IGFL2: variants seen among roughly 807,000 people sequenced by gnomAD.
IGFL2 encodes the protein IGF like family member 2, also known as insulin growth factor-like family member 2.
In IGFL2, 7 loss-of-function variants were observed where a neutral mutation model predicts 13.9. The ratio of observed to expected loss-of-function variants is 0.51; its 90% CI spans 0.29 to 0.95. The LOEUF is 0.95. IGFL2 is among the 40% of genes least tolerant of loss of function. The probability of loss-of-function intolerance (pLI) is 0.08; values close to 1 mark genes in which losing one functional copy is unlikely to be tolerated. For missense variants in IGFL2, 138 were observed against 147.8 expected (o/e 0.93, Z 0.34); for synonymous variants, 55 against 55.8 (o/e 0.99, Z 0.07).
At chr19:46,109,018 G>A in the IGFL2 span, among the ~76,000 whole-genome samples, 1 of 152,226 alleles carries the variant, frequency 6.6e-6, no homozygotes, top group Non-Finnish European at 1.5e-5. Flanking sequence ...TCCTCATGGA[G>A]TGAGGGTGAG....
chr19:46,083,950 G>A, the IGFL2 span, among the ~76,000 whole-genome samples: 6 of 152,178 alleles, frequency 3.9e-5, no homozygotes, highest in South Asian at 1.2e-3. Context: ...TTCCCTCTTA[G>A]ACCTGCTTTT....
At chr19:46,160,911 G>A (rs2270403) in intron 3 of IGFL2, 30 bp downstream of exon 3, 436,989 of 1,608,692 alleles carry the variant, frequency 0.27, 61,296 homozygotes, top group South Asian at 0.31. Context: ...CCAGGGGGTC[G>A]GGGGAAGGGA....
chr19:46,160,972 G>C (rs750882975), intron 3 of IGFL2, 91 bp downstream of exon 3: 13 of 1,540,692 alleles, frequency 8.4e-6, no homozygotes, highest in Middle Eastern at 3.4e-4. Context: ...CTTTTGAAGA[G>C]CCCTGGCCCT....
At chr19:46,189,906 T>TC in the IGFL2 span, 4 of 152,200 alleles carry the variant, frequency 2.6e-5, no homozygotes, top group Non-Finnish European at 5.9e-5. Flanking sequence ...GTCTCTTGCC[T>TC]CGGCACCTGG....
chr19:46,173,083 A>C, the IGFL2 span, among the ~76,000 whole-genome samples: 1 of 152,240 alleles, frequency 6.6e-6, no homozygotes, highest in South Asian at 2.1e-4. Flanking sequence ...TTTGGGTTGT[A>C]AAATGAATAG....
the IGFL2 span, among the ~76,000 whole-genome samples, chr19:46,132,445 G>T: frequency 6.6e-6 from 1 of 152,182 alleles, no homozygotes; most frequent in Non-Finnish European, 1.5e-5. Context: ...GGTTCCACGT[G>T]CTGTCAGTTC....
chr19:46,113,499 G>A, the IGFL2 span: 3 of 352,644 alleles, frequency 8.5e-6, no homozygotes, highest in Non-Finnish European at 1.7e-5. Flanking sequence ...CATAAAGGGA[G>A]AAATCCAAGA....
chr19:46,156,459 A>T (rs539668576), intron 1 of IGFL2, among the ~76,000 whole-genome samples: 1 of 152,200 alleles, frequency 6.6e-6, no homozygotes, highest in Non-Finnish European at 1.5e-5. Flanking sequence ...TAACAGAGTA[A>T]GTTGTCTGAC....
the IGFL2 span, among the ~76,000 whole-genome samples, chr19:46,078,770 T>C: frequency 6.6e-6 from 1 of 152,284 alleles, no homozygotes; most frequent in Non-Finnish European, 1.5e-5. Flanking sequence ...AGTAGGAGAC[T>C]GCTCAGAAAA....
chr19:46,092,468 C>A, the IGFL2 span, among the ~76,000 whole-genome samples: 1 of 151,690 alleles, frequency 6.6e-6, no homozygotes, highest in South Asian at 2.1e-4. Context: ...CTGCCTGTAC[C>A]AAAAAATACA....
the IGFL2 span, among the ~76,000 whole-genome samples, chr19:46,080,546 T>A: frequency 1.3e-5 from 2 of 152,366 alleles, no homozygotes; most frequent in East Asian, 3.9e-4. Context: ...ATTTTGGTCC[T>A]TCTGACCAAG....
chr19:46,128,981 T>A, the IGFL2 span, among the ~76,000 whole-genome samples: 1 of 152,206 alleles, frequency 6.6e-6, no homozygotes, highest in African/African-American at 2.4e-5. Flanking sequence ...TCTTGGAAAT[T>A]TTTTGGTTGG....
chr19:46,146,017 A>T (rs1277067402), upstream of IGFL2, among the ~76,000 whole-genome samples: 3 of 152,166 alleles, frequency 2.0e-5, no homozygotes, highest in East Asian at 5.8e-4. Context: ...TAAAAAATGG[A>T]TAATGCTTTT....
At chr19:46,089,936 A>G in the IGFL2 span, among the ~76,000 whole-genome samples, 1 of 152,254 alleles carries the variant, frequency 6.6e-6, no homozygotes, top group Admixed American at 6.5e-5. Context: ...TTGTTTAAAT[A>G]AGCTTTCTAC....
At chr19:46,083,220 A>G in the IGFL2 span, among the ~76,000 whole-genome samples, 1 of 152,254 alleles carries the variant, frequency 6.6e-6, no homozygotes, top group Non-Finnish European at 1.5e-5. Flanking sequence ...GCACAAAGAC[A>G]TACGTATAAG....
chr19:46,124,663 C>T, the IGFL2 span: 10 of 1,607,242 alleles, frequency 6.2e-6, no homozygotes, highest in East Asian at 2.3e-5. Flanking sequence ...TCCAAAGATG[C>T]TCTAGGAGAA....
At chr19:46,179,838 C>T in the IGFL2 span, among the ~76,000 whole-genome samples, 4 of 152,072 alleles carry the variant, frequency 2.6e-5, no homozygotes, top group African/African-American at 9.7e-5. Flanking sequence ...ATTGCTTGAT[C>T]CCGGGAGGTG....
At chr19:46,190,628 G>T in the IGFL2 span, among the ~76,000 whole-genome samples, 1 of 152,182 alleles carries the variant, frequency 6.6e-6, no homozygotes, top group Non-Finnish European at 1.5e-5. Context: ...TGTATCTGCA[G>T]CCTACCACAG....
chr19:46,153,034 G>T (rs184503070), intron 1 of IGFL2, among the ~76,000 whole-genome samples: 9 of 152,110 alleles, frequency 5.9e-5, no homozygotes, highest in African/African-American at 2.2e-4. Context: ...TGGTCATGGC[G>T]TATCGTTCTT....
Sources: gnomAD v4.1 joint callset for allele counts (sites outside exome capture counted in the v4.1 genomes callset) on GRCh38, gnomAD v4.1.1 for gene constraint, MANE v1.5 for transcripts, NCBI Gene and HGNC (gene_info 2026-07-23, HGNC 2026-07-21) for gene names.